Variants in STON2 observed in about 807,000 individuals in gnomAD.
STON2 encodes stonin 2.
STON2 carries 29 observed loss-of-function variants against 65.7 expected under a neutral mutation model. The observed-to-expected ratio is 0.44, with a 90% CI of 0.33 to 0.60. The LOEUF (loss-of-function observed/expected upper bound fraction) is 0.60, where lower values mean the gene tolerates loss of function less well. Ranked by LOEUF, STON2 falls within the 20% of genes least tolerant of loss-of-function variation. The pLI is 0.03. For synonymous variants in STON2, 404 were observed against 414.2 expected (o/e 0.98, Z 0.30); for missense variants, 1,054 against 1,118.1 (o/e 0.94, Z 0.82).
intron 6 of STON2, among the ~76,000 whole-genome samples, chr14:81,276,357 T>C (rs1595276433): frequency 6.6e-6 from 1 of 152,252 alleles, no homozygotes; most frequent in South Asian, 2.1e-4. Flanking sequence ...TTCAGTCTGA[T>C]TGAAGGCCAC....
intron 4 of STON2, among the ~76,000 whole-genome samples, chr14:81,350,729 T>C (rs888225889): frequency 4.6e-5 from 7 of 152,208 alleles, no homozygotes; most frequent in Non-Finnish European, 8.8e-5. Context: ...AAACTCATTA[T>C]GATTCTAAAA....
chr14:81,293,634 A>G (rs1460587095), intron 5 of STON2, among the ~76,000 whole-genome samples: 1 of 152,200 alleles, frequency 6.6e-6, no homozygotes, highest in African/African-American at 2.4e-5. Context: ...GATTAAATAC[A>G]TATATCTTAA....
intron 5 of STON2, among the ~76,000 whole-genome samples, chr14:81,315,132 C>G (rs541590078): frequency 8.5e-5 from 13 of 152,302 alleles, no homozygotes; most frequent in Non-Finnish European, 1.3e-4. Flanking sequence ...TCTGGCACCT[C>G]CAAATTTAGA....
intron 3 of STON2, among the ~76,000 whole-genome samples, chr14:81,389,413 T>C (rs1043608448): frequency 6.6e-6 from 1 of 152,208 alleles, no homozygotes; most frequent in African/African-American, 2.4e-5. Context: ...TTATCCATGC[T>C]AAAAAGAGTT....
chr14:81,384,976 G>T (rs1045982300), intron 3 of STON2, among the ~76,000 whole-genome samples: 4 of 152,154 alleles, frequency 2.6e-5, no homozygotes, highest in African/African-American at 4.8e-5. Context: ...CCCAGGACTA[G>T]CTCAGAGGAG....
intron 5 of STON2, among the ~76,000 whole-genome samples, chr14:81,293,423 C>T (rs868781595): frequency 6.6e-6 from 1 of 152,066 alleles, no homozygotes; most frequent in Non-Finnish European, 1.5e-5. Flanking sequence ...CTACCTGCCT[C>T]GGCCTCCCAA....
At position 81,265,844 on chromosome 14, in the gene STON2, A is replaced by T. The variant is rs1355890577; in HGVS notation, c.*2570T>A. 1 of 985,258 alleles carries T rather than the reference A, an allele frequency of 1.0e-6. No homozygotes were observed. Among genetic ancestry groups the T allele is most frequent in the Non-Finnish European group, 1.2e-6 (1 of 829,924 alleles). 61.0% of individuals were successfully genotyped at this position (985,258 alleles called of 1,614,324 possible). A position where few individuals can be genotyped will look rare whatever the true frequency, so the allele number is the denominator to read the frequency against. ...GGAAATAAGCTCCAACAAGCAATCC[A>T]CATGTTATGCTAGCAGATGAGGCAG... On this transcript the variant is annotated 3_prime_UTR_variant, in exon 8 of 8. Transcript: ENST00000614646.
chr14:81,297,804 C>T (rs1895818405), intron 5 of STON2, among the ~76,000 whole-genome samples: 1 of 152,252 alleles, frequency 6.6e-6, no homozygotes, highest in African/African-American at 2.4e-5. Context: ...TTCGGGAGGC[C>T]GAGACGGGCA....
intron 7 of STON2, 106 bp downstream of exon 7, chr14:81,270,564 G>T: frequency 6.2e-7 from 1 of 1,603,092 alleles, no homozygotes; most frequent in Non-Finnish European, 8.5e-7. Flanking sequence ...GCAGTAAGAG[G>T]TTACCAGGCG....
At chr14:81,415,180 G>A (rs559057132) in intron 2 of STON2, among the ~76,000 whole-genome samples, 2 of 152,238 alleles carry the variant, frequency 1.3e-5, no homozygotes, top group African/African-American at 4.8e-5. Flanking sequence ...GTTCATGACA[G>A]TTCACTTTTG....
rs1458357423 is a variant in STON2, at chr14:81,276,945, T to C, written c.2537A>G (p.Asn846Ser). The change falls in exon 6 of 8, where the codon AAC becomes AGC. Residue 846 changes from asparagine to serine, a missense_variant. By Grantham distance (46) the Asn-to-Ser change is conservative. Coordinates refer to ENST00000614646, the MANE Select transcript of STON2 (RefSeq NM_001394390.1). ...LGTAKYEHAF[N>S]SIVWRINRLP... ...TCGGTTTATCCTCCACACAATGGAGTTGAAGGCATGCTCGTACTTGGCAGT... is the reference window on the plus strand; with the variant it reads ...TCGGTTTATCCTCCACACAATGGAGCTGAAGGCATGCTCGTACTTGGCAGT... 2 of 1,613,896 alleles carry C rather than the reference T, an allele frequency of 1.2e-6. No individual in the cohort carries two copies. The highest frequency in any genetic ancestry group is 1.3e-5 in the African/African-American group (1 of 74,846).
chr14:81,338,205 G>A (rs1337271735), intron 4 of STON2, among the ~76,000 whole-genome samples: 2 of 152,270 alleles, frequency 1.3e-5, no homozygotes, highest in East Asian at 3.9e-4. Context: ...CTGGTTGCCA[G>A]GGGAACCAAC....
intron 3 of STON2, among the ~76,000 whole-genome samples, chr14:81,391,971 T>C (rs1022926438): frequency 2.0e-5 from 3 of 152,202 alleles, no homozygotes; most frequent in Non-Finnish European, 4.4e-5. Flanking sequence ...TGATTTATTC[T>C]CTAGTAATAT....
intron 3 of STON2, among the ~76,000 whole-genome samples, chr14:81,381,272 T>C (rs994909823): frequency 6.6e-6 from 1 of 151,496 alleles, no homozygotes; most frequent in Admixed American, 6.5e-5. Flanking sequence ...ATTCATGACT[T>C]TGGAGTAGAG....
At position 81,298,642 on chromosome 14, in the gene STON2, A is replaced by C. The variant is rs916357905; in HGVS notation, c.743-19903T>G. Among the ~76,000 whole-genome samples the C allele has an allele frequency of 2.0e-5, 3 of 152,224 alleles. No homozygotes were observed. In the South Asian group the frequency reaches 6.2e-4, roughly 32 times the overall value. On this transcript the variant is annotated intron_variant, in intron 5 of 7. Coordinates refer to ENST00000614646, the MANE Select transcript of STON2 (RefSeq NM_001394390.1). ...AACTACAGAAAAGCATGTTGAACAGAACCATGCTAGGAGTTTCATCCAGGA... is the reference window on the plus strand; with the variant it reads ...AACTACAGAAAAGCATGTTGAACAGCACCATGCTAGGAGTTTCATCCAGGA...
At chr14:81,284,729 T>C (rs1180704493) in intron 5 of STON2, among the ~76,000 whole-genome samples, 1 of 152,202 alleles carries the variant, frequency 6.6e-6, no homozygotes, top group Non-Finnish European at 1.5e-5. Flanking sequence ...CCATCTAGGA[T>C]GTTAATAGCT....
rs146096307 is a variant in STON2, at chr14:81,420,596, G to A, written c.-199+6506C>T. 1.5e-3 allele frequency among the ~76,000 whole-genome samples: 229 copies of A among 152,284 alleles called. 2 individuals are homozygous for A. The highest frequency in any genetic ancestry group is 0.011 in the South Asian group (55 of 4,816). On this transcript the variant is annotated intron_variant, in intron 2 of 8. Transcript: ENST00000553821. ...GGCAATGAGGAGAATGTAGCAGTGC[G>A]ATGGGTGCATAGGAGTGACACCTAG...
intron 5 of STON2, among the ~76,000 whole-genome samples, chr14:81,302,241 C>T (rs576684298): frequency 6.6e-6 from 1 of 152,338 alleles, no homozygotes; most frequent in South Asian, 2.1e-4. Context: ...TCAGATACCC[C>T]TATCTGTCTA....
intron 2 of STON2, chr14:81,418,274 C>T (rs1901537481): frequency 6.6e-6 from 1 of 152,300 alleles, no homozygotes; most frequent in Admixed American, 6.5e-5. Context: ...CATGGGAACT[C>T]CTCTTAATAA....
Sources: allele counts gnomAD v4.1 joint callset (sites outside exome capture counted in the v4.1 genomes callset), GRCh38; gene constraint gnomAD v4.1.1; transcripts MANE v1.5; gene names NCBI Gene and HGNC (gene_info 2026-07-23, HGNC 2026-07-21).